NREP: variants seen among roughly 807,000 people sequenced by gnomAD.
The protein encoded by NREP is neuronal regeneration related protein.
NREP carries 5 observed loss-of-function variants against 8.6 expected under a neutral mutation model. That is an observed-to-expected ratio of 0.58 (90% CI 0.30 to 1.22). The LOEUF is 1.22. NREP is among the 50% of genes most tolerant of loss of function. The pLI, the probability that NREP is intolerant of heterozygous loss-of-function variation, is 0.07. For missense variants in NREP, 86 were observed against 82.5 expected, an observed-to-expected ratio of 1.04 and a Z score of -0.17; for synonymous variants, 27 against 28.0, an observed-to-expected ratio of 0.96 and a Z score of 0.11.
chr5:111,922,474 G>A (rs1755271651), intron 2 of NREP, among the ~76,000 whole-genome samples: 1 of 152,126 alleles, frequency 6.6e-6, no homozygotes, highest in Admixed American at 6.5e-5. Flanking sequence ...GACACCAGGA[G>A]GTACTGAGTG....
chr5:111,907,541 G>A (rs773951831), intron 2 of NREP, among the ~76,000 whole-genome samples: 18 of 151,882 alleles, frequency 1.2e-4, no homozygotes, highest in African/African-American at 3.4e-4. Flanking sequence ...TAGCCTACTC[G>A]TCTATTCCTT....
chr5:111,744,143 C>A (rs957380006), intron 2 of NREP, among the ~76,000 whole-genome samples: 1 of 152,058 alleles, frequency 6.6e-6, no homozygotes, highest in Non-Finnish European at 1.5e-5. Context: ...TGCATTTTCC[C>A]CCGAAGTGCT....
At chr5:111,963,561 C>G (rs907019831) in intron 2 of NREP, among the ~76,000 whole-genome samples, 1 of 152,188 alleles carries the variant, frequency 6.6e-6, no homozygotes, top group Admixed American at 6.5e-5. Flanking sequence ...AGATGTATTT[C>G]AGGGCTTTCT....
At chr5:111,859,478 A>G (rs1753497660) in intron 2 of NREP, among the ~76,000 whole-genome samples, 1 of 152,136 alleles carries the variant, frequency 6.6e-6, no homozygotes, top group Non-Finnish European at 1.5e-5. Context: ...GCTCTGTCCC[A>G]TAAGATCTCC....
chr5:111,850,183 G>C (rs1198016994), intron 2 of NREP, among the ~76,000 whole-genome samples: 1 of 151,978 alleles, frequency 6.6e-6, no homozygotes, highest in Non-Finnish European at 1.5e-5. Context: ...CCATGTCTTT[G>C]TCCTTTAGCC....
At chr5:111,798,838 T>C (rs944719485) in intron 2 of NREP, among the ~76,000 whole-genome samples, 11 of 151,966 alleles carry the variant, frequency 7.2e-5, no homozygotes, top group African/African-American at 2.7e-4. Flanking sequence ...GATGGGCATT[T>C]AAGCTGGTTC....
chr5:111,743,466 T>G (rs1286277832), intron 2 of NREP, among the ~76,000 whole-genome samples: 1 of 152,196 alleles, frequency 6.6e-6, no homozygotes, highest in Non-Finnish European at 1.5e-5. Context: ...CTGGCCCACC[T>G]TATTCCATTA....
chr5:111,786,457 T>A lies in NREP; in HGVS notation c.136-50950A>T, dbSNP rs1336157799. On this transcript the variant is annotated intron_variant, in intron 2 of 3. Transcript: ENST00000395634. ...GCCTAGTTCTGTCTCTCTCCTGACC[T>A]CCAGAAAGATGTCCAAAAGTCTTCA... is the stretch of plus-strand genomic sequence containing the variant. Among the ~76,000 whole-genome samples, 3 of 152,192 alleles carry A rather than the reference T, an allele frequency of 2.0e-5. No individual in the cohort carries two copies. In the East Asian group the frequency reaches 5.8e-4, roughly 29 times the overall value.
At chr5:111,733,431 T>C (rs1748795371) in intron 3 of NREP, 1 of 151,974 alleles carries the variant, frequency 6.6e-6, no homozygotes, top group South Asian at 2.1e-4. Context: ...GTTCTCCCTA[T>C]GGAGTCCTGC....
At chr5:111,845,649 A>G (rs57342469) in intron 2 of NREP, among the ~76,000 whole-genome samples, 4,206 of 152,252 alleles carry the variant, frequency 0.028, 220 homozygotes, top group East Asian at 0.24. Context: ...GATATCAAGT[A>G]CTAATATATT....
chr5:111,812,109 G>A (rs1752283433), intron 2 of NREP, among the ~76,000 whole-genome samples: 1 of 152,074 alleles, frequency 6.6e-6, no homozygotes, highest in South Asian at 2.1e-4. Flanking sequence ...GCAACACAGT[G>A]AAATCCCATC....
intron 2 of NREP, among the ~76,000 whole-genome samples, chr5:111,932,270 T>C (rs1755562353): frequency 6.6e-6 from 1 of 152,090 alleles, no homozygotes; most frequent in African/African-American, 2.4e-5. Flanking sequence ...GCATAAATGT[T>C]GTACCAAACA....
chr5:111,755,639 T>C lies in NREP; in HGVS notation c.3+131A>G, dbSNP rs1053941870. On this transcript the variant is annotated intron_variant, in intron 2 of 3. Coordinates refer to ENST00000257435, the MANE Select transcript of NREP (RefSeq NM_004772.4). The stretch of plus-strand genomic sequence containing the variant: ...CTGCAACGCTCCCAGGAACTGGAGA[T>C]AGAACCTTTTAAAGGTCAGATGGGG... The C allele has an allele frequency of 1.8e-5, 18 of 1,004,832 alleles. No homozygotes were observed. In the Admixed American group the frequency reaches 2.9e-4, roughly 16 times the overall value. 62.2% of individuals were successfully genotyped at this position (1,004,832 alleles called of 1,614,324 possible). A position where few individuals can be genotyped will look rare whatever the true frequency, so the allele number is the denominator to read the frequency against.
intron 2 of NREP, among the ~76,000 whole-genome samples, chr5:111,811,785 G>A (rs1210201410): frequency 1.3e-5 from 2 of 152,012 alleles, no homozygotes; most frequent in African/African-American, 2.4e-5. Context: ...ATCACAAAGG[G>A]TTTTTTTCTA....
intron 2 of NREP, among the ~76,000 whole-genome samples, chr5:111,770,278 A>C (rs894431032): frequency 6.6e-6 from 1 of 152,194 alleles, no homozygotes; most frequent in Non-Finnish European, 1.5e-5. Context: ...GATTTGTTCA[A>C]GATATTGAGG....
At chr5:111,761,127 A>G (rs940808419), upstream of NREP, among the ~76,000 whole-genome samples, 3 of 152,216 alleles carry the variant, frequency 2.0e-5, no homozygotes, top group Admixed American at 6.5e-5. Flanking sequence ...AGTTCATACC[A>G]TAGTGCCAAA....
At chr5:111,895,142 A>G (rs990069897) in intron 2 of NREP, among the ~76,000 whole-genome samples, 2 of 152,210 alleles carry the variant, frequency 1.3e-5, no homozygotes, top group African/African-American at 4.8e-5. Flanking sequence ...TATACTTTCA[A>G]TTGTGTTTGT....
intron 2 of NREP, among the ~76,000 whole-genome samples, chr5:111,832,881 G>A (rs1196769980): frequency 6.6e-6 from 1 of 152,244 alleles, no homozygotes; most frequent in South Asian, 2.1e-4. Context: ...GACTCTTCAG[G>A]AAGTTCCTCC....
chr5:111,776,780 C>T (rs1001311273), intron 2 of NREP, among the ~76,000 whole-genome samples: 5 of 152,092 alleles, frequency 3.3e-5, no homozygotes, highest in Non-Finnish European at 7.3e-5. Flanking sequence ...AGAAGTTAGA[C>T]TAGAGATTTG....
Sources: allele counts gnomAD v4.1 joint callset (sites outside exome capture counted in the v4.1 genomes callset), GRCh38; gene constraint gnomAD v4.1.1; transcripts MANE v1.5; gene names NCBI Gene and HGNC (gene_info 2026-07-23, HGNC 2026-07-21).